The following RBBP6 variants were observed in gnomAD, a reference collection of about 807,000 sequenced individuals.
RBBP6 encodes E3 ubiquitin-protein ligase RBBP6.
Under a neutral mutation model 167.7 loss-of-function variants are expected in RBBP6, and 25 were observed. The observed-to-expected ratio is 0.15, with a 90% CI of 0.11 to 0.21. The LOEUF is 0.21. Ranked by LOEUF, RBBP6 falls within the 10% of genes least tolerant of loss-of-function variation. RBBP6 has a pLI of 1.00. For missense variants in RBBP6, 1,868 were observed against 2,134.2 expected, an observed-to-expected ratio of 0.88 and a Z score of 2.46; for synonymous variants, 789 against 735.8, an observed-to-expected ratio of 1.07 and a Z score of -1.17.
intron 3 of RBBP6, chr16:24,553,213 A>G (rs951498657): frequency 6.0e-5 from 17 of 281,550 alleles, no homozygotes; most frequent in African/African-American, 2.6e-4. Context: ...TTTAGAGACC[A>G]TAGGGAGATA....
chr16:24,564,775 T>A, intron 13 of RBBP6, 22 bp from the exon 14 acceptor site: 1 of 1,610,278 alleles, frequency 6.2e-7, no homozygotes, highest in Non-Finnish European at 8.5e-7. Flanking sequence ...TACTTGAGCC[T>A]ATTTTTTTTT....
rs940744686 is a variant in RBBP6, at chr16:24,542,198, T to C, written c.166+1406T>C. ...TGGTCATGAACAGTTGAGAAATAGC[T>C]TTATTTAAGTGCCTCACAAGCATCC... On this transcript the variant is annotated intron_variant, in intron 1 of 17. Coordinates refer to ENST00000319715, the MANE Select transcript of RBBP6 (RefSeq NM_006910.5). Among the ~76,000 whole-genome samples, 21 of 152,288 alleles carry C rather than the reference T, an allele frequency of 1.4e-4. 5 individuals carry two copies. The highest frequency in any genetic ancestry group is 4.2e-4 in the South Asian group (2 of 4,818).
intron 1 of RBBP6, among the ~76,000 whole-genome samples, chr16:24,545,301 T>C (rs1213311623): frequency 6.6e-6 from 1 of 152,150 alleles, no homozygotes; most frequent in Non-Finnish European, 1.5e-5. Context: ...CTTAATCTCC[T>C]GACCTCGTGA....
At position 24,546,276 on chromosome 16, in the gene RBBP6, C is replaced by G; in HGVS notation, c.266+14C>G. ...GACATATGTTATGTAAGTATCAAAT[C>G]TCATGTATTTCTCAAAATAGACTTT... On this transcript the variant is annotated intron_variant, in intron 2 of 17. Coordinates refer to ENST00000319715, the MANE Select transcript of RBBP6 (RefSeq NM_006910.5). 1 of 1,535,518 alleles carries G rather than the reference C, an allele frequency of 6.5e-7. No homozygotes were observed. The highest frequency in any genetic ancestry group is 8.7e-7 in the Non-Finnish European group (1 of 1,151,180).
intron 15 of RBBP6, 53 bp downstream of exon 15, chr16:24,567,558 ACAT>A (rs1899225416): frequency 6.6e-7 from 1 of 1,519,872 alleles, no homozygotes; most frequent in East Asian, 2.3e-5. Context: ...TCTGATAATA[ACAT>A]TAAATAGGTG....
intron 1 of RBBP6, among the ~76,000 whole-genome samples, chr16:24,545,044 T>A (rs901450200): frequency 6.6e-6 from 1 of 152,184 alleles, no homozygotes; most frequent in Non-Finnish European, 1.5e-5. Flanking sequence ...TGGTTTCTAC[T>A]CTTGTTCTCC....
chr16:24,555,532 T>C (rs1404096255), intron 4 of RBBP6, 83 bp from the exon 5 acceptor site: 2 of 1,052,938 alleles, frequency 1.9e-6, no homozygotes, highest in African/African-American at 1.6e-5. Context: ...TACTGCTCTT[T>C]ACAGGATGAG....
At chr16:24,552,570 T>C (rs1254708239) in intron 3 of RBBP6, among the ~76,000 whole-genome samples, 1 of 151,844 alleles carries the variant, frequency 6.6e-6, no homozygotes, top group Non-Finnish European at 1.5e-5. Context: ...TGAAAAAAAT[T>C]AGTGTTCAAT....
chr16:24,562,003 A>T lies in RBBP6; in HGVS notation c.1131A>T (p.Ser377=). Residue 377 remains serine (S), a synonymous_variant, in exon 10 of 18, where the codon TCA becomes TCT. Transcript: ENST00000319715. The stretch of plus-strand genomic sequence containing the variant: ...TTATGATTCCAGTGACATCTTCATC[A>T]ACTCACCCAGCTCCGTCTATATCTT... ...DPLMIPVTSS[S]THPAPSISSL... 6.2e-7 allele frequency: 1 copy of T among 1,613,600 alleles called. No individual in the cohort carries two copies. Among genetic ancestry groups the T allele is most frequent in the Non-Finnish European group, 8.5e-7 (1 of 1,179,748 alleles).
At position 24,556,396 on chromosome 16, in the gene RBBP6, A is replaced by G; in HGVS notation, c.623A>G (p.Lys208Arg). Reference protein sequence around the residue: ...FMMEVKDPNMKGAMLTNTGKY... With the variant: ...FMMEVKDPNMRGAMLTNTGKY... ...ATGGAAGTGAAAGATCCTAATATGA[A>G]AGGTGCAATGCTTACCAACACTGGA... is the stretch of plus-strand genomic sequence containing the variant. The change falls in exon 7 of 18, where the codon AAA becomes AGA. Residue 208 changes from lysine to arginine, a missense_variant. By Grantham distance (26) the Lys-to-Arg change is conservative. Transcript: ENST00000319715. The G allele has an allele frequency of 6.2e-7, 1 of 1,605,824 alleles. No homozygotes were observed. Among genetic ancestry groups the G allele is most frequent in the Non-Finnish European group, 8.5e-7 (1 of 1,172,636 alleles).
In RBBP6 at chr16:24,564,991, C is replaced by G. The variant is rs899520755; in HGVS notation, c.1589+126C>G. The G allele has an allele frequency of 7.2e-6, 10 of 1,394,972 alleles. No individual in the cohort carries two copies. The Admixed American group carries it at 2.0e-4, about 27-fold the overall frequency. The allele number at this position is 1,394,972 out of a possible 1,614,324, so 86.4% of individuals were successfully genotyped here. On this transcript the variant is annotated intron_variant, in intron 14 of 17. Transcript: ENST00000319715. ...ATTTGTTTGTATTGTGCTTATCCCT[C>G]TTAAGTCCTGGGTAGTTGTCCTTAA... is the stretch of plus-strand genomic sequence containing the variant.
chr16:24,567,255 C>G lies in RBBP6; in HGVS notation c.1702C>G (p.Pro568Ala), dbSNP rs757931818. 12 of 1,614,158 alleles carry G rather than the reference C, an allele frequency of 7.4e-6. No homozygotes were observed. Among genetic ancestry groups the G allele is most frequent in the Non-Finnish European group, 9.3e-6 (11 of 1,180,016 alleles). The change falls in exon 15 of 18, where the codon CCT (proline) becomes GCT (alanine). Residue 568 changes from proline to alanine, a missense_variant. Pro to Ala is a conservative substitution (Grantham distance 27, BLOSUM62 -1). Around this residue, in one of 7 missense-constraint regions of RBBP6, gnomAD observed 145 missense variants for 224.3 expected, o/e 0.65. Transcript: ENST00000319715. ...PVPPPPLYPP[P>A]PHTLPLPPGV... ...TCCACCACCTCCTTTGTATCCGCCT[C>G]CTCCCCATACACTTCCTCTCCCTCC...
At position 24,568,753 on chromosome 16, in the gene RBBP6, C is replaced by G. The variant is rs777878898; in HGVS notation, c.2063C>G (p.Ser688Cys). 6.2e-7 allele frequency: 1 copy of G among 1,608,390 alleles called. No homozygotes were observed. The highest frequency in any genetic ancestry group is 8.5e-7 in the Non-Finnish European group (1 of 1,176,634). The change falls in exon 17 of 18, where the codon TCT becomes TGT. Residue 688 changes from serine (S) to cysteine (C), a missense_variant. By Grantham distance (112) the Ser-to-Cys change is moderately radical. Around this residue, in one of 7 missense-constraint regions of RBBP6, gnomAD observed 145 missense variants for 224.3 expected, o/e 0.65. Transcript: ENST00000319715. ...ERRRSFSRSK[S>C]PYSGSSYSRS... is the part of the protein sequence containing the mutation. ...TTTTGTTTTGTTTTTAGGTCTAAAT[C>G]TCCCTATAGTGGTTCTTCGTATTCA...
chr16:24,555,941 G>T (rs750000830), intron 6 of RBBP6, 24 bp downstream of exon 6: 1 of 1,522,164 alleles, frequency 6.6e-7, no homozygotes, highest in South Asian at 1.1e-5. Context: ...AGAAACTATG[G>T]TATATCTTAC....
rs779115590 is a variant in RBBP6 at position 24,570,979 on chromosome 16, G to T, written c.3913G>T (p.Ala1305Ser). ...GGAAGAATATAATAATGACAATACC[G>T]CGCCAGCTGAAGATGTTATCATTAT... Reference protein sequence around the residue: ...TMEEYNNDNTAPAEDVIIMIQ... With the variant: ...TMEEYNNDNTSPAEDVIIMIQ... Residue 1305 changes from alanine to serine, a missense_variant, in exon 18 of 18, where the codon GCG becomes TCG. Ala to Ser is a moderately conservative substitution (Grantham distance 99). Transcript: ENST00000319715. The T allele has an allele frequency of 6.2e-7, 1 of 1,611,912 alleles. No homozygotes were observed. Among genetic ancestry groups the T allele is most frequent in the Non-Finnish European group, 8.5e-7 (1 of 1,178,224 alleles).
chr16:24,562,904 G>A (rs1899100891), intron 10 of RBBP6, among the ~76,000 whole-genome samples: 1 of 152,030 alleles, frequency 6.6e-6, no homozygotes, highest in Non-Finnish European at 1.5e-5. Context: ...TTAATCCTAG[G>A]GGGATTTTTG....
Position 24,547,543 on chromosome 16 carries a change from G to T in RBBP6, c.266+1281G>T, listed in dbSNP as rs534939482. ...AGTGGCACAATCTTGGCTCACTGTA[G>T]CCTCCGGGCTCAAGCGATTCTCCTG... On this transcript the variant is annotated intron_variant, in intron 2 of 17. Transcript: ENST00000319715. Among the ~76,000 whole-genome samples the T allele has an allele frequency of 1.5e-3, 231 of 152,164 alleles. 3 individuals carry two copies. The highest frequency in any genetic ancestry group is 5.4e-3 in the African/African-American group (223 of 41,500).
rs1596495864 is a variant in RBBP6 at position 24,540,437 on chromosome 16, C to G, written c.-190C>G. On this transcript the variant is annotated 5_prime_UTR_variant, in exon 1 of 18. In the 5' UTR this introduces an upstream ATG that the reference lacks. Transcript: ENST00000319715. ...TCCCCCATGAAGTGATTCTGAGTAT[C>G]GGGGGGTCTCTGGATTATTGTTCTG... 2.0e-6 allele frequency: 1 copy of G among 489,286 alleles called. No homozygotes were observed. The highest frequency in any genetic ancestry group is 3.6e-6 in the Non-Finnish European group (1 of 279,658). 30.3% of individuals were successfully genotyped at this position (489,286 alleles called of 1,614,324 possible).
Position 24,571,768 on chromosome 16 carries a change from G to T in RBBP6, c.4702G>T (p.Asp1568Tyr), listed in dbSNP as rs531581729. 2 of 1,614,014 alleles carry T rather than the reference G, an allele frequency of 1.2e-6. No homozygotes were observed. The highest frequency in any genetic ancestry group is 1.7e-6 in the Non-Finnish European group (2 of 1,179,952). The change falls in exon 18 of 18, where the codon GAT becomes TAT. Residue 1568 changes from aspartate to tyrosine, a missense_variant. Around this residue, in one of 7 missense-constraint regions of RBBP6, gnomAD observed 591 missense variants for 540.5 expected, o/e 1.09. Coordinates refer to ENST00000319715, the MANE Select transcript of RBBP6 (RefSeq NM_006910.5). ...ATCTGTAGATAAAAATCCTTGTAAG[G>T]ATCGTGAGAAGCATGTATTAGAAGC... ...TKSVDKNPCK[D>Y]REKHVLEARN...
Sources: allele counts gnomAD v4.1 joint callset (sites outside exome capture counted in the v4.1 genomes callset), GRCh38; gene constraint gnomAD v4.1.1; regional missense constraint gnomAD v4.1.1; transcripts MANE v1.5; gene names NCBI Gene and HGNC (gene_info 2026-07-23, HGNC 2026-07-21).